The following SCOC variants were observed in gnomAD, a reference collection of about 807,000 sequenced individuals.
The protein encoded by SCOC is short coiled coil protein.
SCOC carries 7 observed loss-of-function variants against 9.9 expected under a neutral mutation model. The ratio of observed to expected loss-of-function variants is 0.71; its 90% CI spans 0.40 to 1.33. The LOEUF (loss-of-function observed/expected upper bound fraction) is 1.33. SCOC is among the 40% of genes most tolerant of loss of function. SCOC has a pLI of 0.01. For synonymous variants in SCOC, 19 were observed against 28.2 expected (o/e 0.67, Z 1.03); for missense variants, 66 against 89.7 (o/e 0.74, Z 1.07).
At chr4:140,377,366 AGT>A (rs1268578263) in intron 1 of SCOC, among the ~76,000 whole-genome samples, 1 of 152,228 alleles carries the variant, frequency 6.6e-6, no homozygotes, top group Non-Finnish European at 1.5e-5. Context: ...GAAAAATTTT[AGT>A]AATCTGAAAT....
intron 2 of SCOC, among the ~76,000 whole-genome samples, chr4:140,349,552 A>G (rs914324160): frequency 6.6e-6 from 1 of 152,150 alleles, no homozygotes; most frequent in Non-Finnish European, 1.5e-5. Context: ...CAGGTGTCAA[A>G]TAAACTTACC....
chr4:140,328,130 G>A (rs957625242), intron 1 of SCOC, among the ~76,000 whole-genome samples: 7 of 152,166 alleles, frequency 4.6e-5, no homozygotes, highest in African/African-American at 1.2e-4. Flanking sequence ...TGAGAAGAAA[G>A]CTTAGCACAC....
chr4:140,373,588 G>T (rs993834765), upstream of SCOC: 9 of 1,551,576 alleles, frequency 5.8e-6, no homozygotes, highest in African/African-American at 9.6e-5. Context: ...CGGCTGGGAC[G>T]GGATGGGATT....
intron 1 of SCOC, among the ~76,000 whole-genome samples, chr4:140,302,947 C>T (rs962683336): frequency 4.7e-5 from 7 of 149,356 alleles, no homozygotes; most frequent in African/African-American, 1.8e-4. Context: ...GACATTAGCT[C>T]AATTTTATGT....
intron 1 of SCOC, among the ~76,000 whole-genome samples, chr4:140,287,508 T>C (rs2126427323): frequency 6.7e-6 from 1 of 150,352 alleles, no homozygotes; most frequent in African/African-American, 2.5e-5. Flanking sequence ...CACATACATC[T>C]ACCATACACC....
intron 1 of SCOC, among the ~76,000 whole-genome samples, chr4:140,267,507 C>CT (rs1730754306): frequency 6.6e-6 from 1 of 152,152 alleles, no homozygotes; most frequent in South Asian, 2.1e-4. Flanking sequence ...TCAAAGGGTT[C>CT]TGACCCTTGT....
At chr4:140,312,485 G>C (rs1297394782) in intron 1 of SCOC, among the ~76,000 whole-genome samples, 1 of 152,132 alleles carries the variant, frequency 6.6e-6, no homozygotes. Flanking sequence ...CTGGAGTGCA[G>C]TGGTGCCGTT....
Position 140,385,525 on chromosome 4 carries a change from G to A in SCOC, c.*4421G>A, listed in dbSNP as rs1229406767. 1.3e-5 allele frequency: 2 copies of A among 152,136 alleles called. No homozygotes were observed. Among genetic ancestry groups the A allele is most frequent in the Non-Finnish European group, 2.9e-5 (2 of 68,020 alleles). The allele number at this position is 152,136 out of a possible 1,614,324, so 9.4% of individuals were successfully genotyped here. On this transcript the variant is annotated 3_prime_UTR_variant, in exon 4 of 4. Transcript: ENST00000608372. ...TTTGTAGAAGAGTAACCAAAATCAT[G>A]TATGCATTTAGTTCCAACTAGTTAA...
intron 1 of SCOC, among the ~76,000 whole-genome samples, chr4:140,313,837 C>T (rs1325289760): frequency 1.3e-5 from 2 of 151,892 alleles, no homozygotes; most frequent in Non-Finnish European, 2.9e-5. Flanking sequence ...AGCAAGAATA[C>T]ATACAGTCGG....
intron 1 of SCOC, among the ~76,000 whole-genome samples, chr4:140,278,304 C>CT (rs576171237): frequency 0.066 from 9,420 of 143,128 alleles, 856 homozygotes; most frequent in African/African-American, 0.2. Context: ...TCTCTGAAGC[C>CT]TTTTTTTTTT....
intron 1 of SCOC, among the ~76,000 whole-genome samples, chr4:140,300,125 C>G (rs897298822): frequency 6.6e-6 from 1 of 152,124 alleles, no homozygotes. Context: ...AGACAAAGGC[C>G]GCAGGTTTGA....
chr4:140,306,165 G>A (rs1357340845), intron 1 of SCOC, among the ~76,000 whole-genome samples: 1 of 152,158 alleles, frequency 6.6e-6, no homozygotes, highest in Non-Finnish European at 1.5e-5. Context: ...GAAGGTGAAT[G>A]AGGATCATAG....
At position 140,357,290 on chromosome 4, in the gene SCOC, A is replaced by G. The variant is rs1355407521; in HGVS notation, c.70+13582A>G. On this transcript the variant is annotated intron_variant, in intron 2 of 4. Coordinates refer to the SCOC transcript ENST00000338517. ...CACCCAGCCTTAAAATCTTTTATAT[A>G]TGGTAATCAGGTGTACAGAGATTCT... 2.0e-5 allele frequency among the ~76,000 whole-genome samples: 3 copies of G among 152,154 alleles called. No homozygotes were observed. The East Asian group carries it at 5.8e-4, about 29-fold the overall frequency.
intron 2 of SCOC, among the ~76,000 whole-genome samples, chr4:140,359,200 G>T (rs1727358912): frequency 6.6e-6 from 1 of 152,206 alleles, no homozygotes; most frequent in African/African-American, 2.4e-5. Flanking sequence ...TGCAGCTACA[G>T]TCAGATGTGG....
At chr4:140,321,376 T>C (rs1460044699) in intron 1 of SCOC, among the ~76,000 whole-genome samples, 3 of 152,108 alleles carry the variant, frequency 2.0e-5, no homozygotes, top group Non-Finnish European at 4.4e-5. Context: ...CATAAACATG[T>C]TGGATTTATC....
At chr4:140,302,548 C>T (rs537051766) in intron 1 of SCOC, among the ~76,000 whole-genome samples, 1 of 152,278 alleles carries the variant, frequency 6.6e-6, no homozygotes, top group South Asian at 2.1e-4. Context: ...TTTCGTTCTC[C>T]CATTCATACA....
chr4:140,264,179 GT>G (rs1730688528), intron 1 of SCOC, among the ~76,000 whole-genome samples: 1 of 151,980 alleles, frequency 6.6e-6, no homozygotes, highest in Non-Finnish European at 1.5e-5. Flanking sequence ...TTAAAAACAT[GT>G]TTTTTAGAGA....
chr4:140,322,320 G>A (rs1732524633), intron 1 of SCOC, among the ~76,000 whole-genome samples: 1 of 152,160 alleles, frequency 6.6e-6, no homozygotes, highest in Non-Finnish European at 1.5e-5. Context: ...TAAGAGCATT[G>A]AGGGTGATTC....
intron 1 of SCOC, among the ~76,000 whole-genome samples, chr4:140,292,190 T>G (rs63580961): frequency 9.4e-5 from 8 of 85,466 alleles, no homozygotes; most frequent in African/African-American, 2.8e-4. Context: ...ACTCTTCTGG[T>G]TTTTTTTTTT....
Sources: gnomAD v4.1 joint callset for allele counts (sites outside exome capture counted in the v4.1 genomes callset) on GRCh38, gnomAD v4.1.1 for gene constraint, MANE v1.5 for transcripts, NCBI Gene and HGNC (gene_info 2026-07-23, HGNC 2026-07-21) for gene names.